The following SYNJ2 variants were observed in gnomAD, a reference collection of about 807,000 sequenced individuals.
SYNJ2 encodes polyphosphatidylinositol phosphatase SYNJ2.
A neutral mutation model predicts 141.3 loss-of-function variants in SYNJ2; 116 were observed. That is an observed-to-expected ratio of 0.82 (90% CI 0.71 to 0.96). SYNJ2 has a LOEUF of 0.96. SYNJ2 is among the 40% of genes least tolerant of loss of function. The probability of loss-of-function intolerance (pLI) is 0.00; values close to 1 mark genes in which losing one functional copy is unlikely to be tolerated. For missense variants in SYNJ2, 1,873 were observed against 1,934.8 expected (o/e 0.97, Z 0.60); for synonymous variants, 745 against 777.7 (o/e 0.96, Z 0.70).
intron 1 of SYNJ2, among the ~76,000 whole-genome samples, chr6:158,013,170 T>G (rs1778328458): frequency 6.6e-6 from 1 of 152,030 alleles, no homozygotes; most frequent in Admixed American, 6.6e-5. Flanking sequence ...TCACTTGAGG[T>G]CGGGAGTTCA....
At chr6:158,088,154 C>T (rs888974779) in intron 23 of SYNJ2, among the ~76,000 whole-genome samples, 7 of 146,638 alleles carry the variant, frequency 4.8e-5, no homozygotes, top group South Asian at 2.2e-4. Context: ...TTGACCTCCC[C>T]GGCTCAAGCA....
At chr6:158,018,410 G>A (rs962386874) in intron 2 of SYNJ2, among the ~76,000 whole-genome samples, 1 of 152,202 alleles carries the variant, frequency 6.6e-6, no homozygotes, top group Non-Finnish European at 1.5e-5. Flanking sequence ...GCTGAGATGG[G>A]AATGGCTGTA....
At chr6:157,983,397 T>A (rs904019256) in intron 1 of SYNJ2, among the ~76,000 whole-genome samples, 2 of 152,224 alleles carry the variant, frequency 1.3e-5, no homozygotes, top group Non-Finnish European at 2.9e-5. Flanking sequence ...TGGTGTGGCC[T>A]TGAAAGAAAA....
chr6:157,985,907 G>C (rs140852066), intron 1 of SYNJ2, among the ~76,000 whole-genome samples: 42 of 152,282 alleles, frequency 2.8e-4, no homozygotes, highest in African/African-American at 8.9e-4. Context: ...GGGGGGAAAG[G>C]TTCTGTGTAA....
At chr6:158,063,756 A>G (rs1562371792) in intron 8 of SYNJ2, 35 bp from the exon 9 acceptor site, 1 of 1,601,652 alleles carries the variant, frequency 6.2e-7, no homozygotes, top group Admixed American at 1.7e-5. Context: ...CTTTGAAAAC[A>G]ACATATAACC....
rs191728334 is a variant in SYNJ2, at chr6:158,018,068, G to A, written c.214+778G>A. Among the ~76,000 whole-genome samples, 5 of 152,360 alleles carry A rather than the reference G, an allele frequency of 3.3e-5. No individual in the cohort carries two copies. The East Asian group carries it at 9.6e-4, about 29-fold the overall frequency. On this transcript the variant is annotated intron_variant, in intron 2 of 26. Transcript: ENST00000355585. ...AGCAGGAGAAAAAAGCCACCGATGT[G>A]TGACTGTCAGTCAGTGTGGGGTGGG...
chr6:158,068,014 T>C, intron 12 of SYNJ2: 1 of 984,886 alleles, frequency 1.0e-6, no homozygotes, highest in Non-Finnish European at 1.2e-6. Context: ...GGGGATTTTT[T>C]TGGGGTAGAC....
At chr6:158,006,096 CA>C (rs758439468) in intron 1 of SYNJ2, among the ~76,000 whole-genome samples, 19 of 152,218 alleles carry the variant, frequency 1.2e-4, no homozygotes, top group Non-Finnish European at 2.4e-4. Context: ...TCTGCCAGCA[CA>C]AAACTTGGTA....
intron 1 of SYNJ2, among the ~76,000 whole-genome samples, chr6:158,007,872 T>A (rs1326431245): frequency 6.6e-6 from 1 of 152,206 alleles, no homozygotes; most frequent in Non-Finnish European, 1.5e-5. Flanking sequence ...CACTGTAGTC[T>A]TGACCTCTTG....
intron 1 of SYNJ2, among the ~76,000 whole-genome samples, chr6:158,006,501 C>A (rs924593728): frequency 2.6e-5 from 4 of 152,318 alleles, no homozygotes; most frequent in Admixed American, 1.3e-4. Context: ...CAGGATGCCA[C>A]GCACTGCTGG....
At chr6:157,990,613 A>T (rs9459057) in intron 1 of SYNJ2, among the ~76,000 whole-genome samples, 1 of 151,904 alleles carries the variant, frequency 6.6e-6, no homozygotes, top group Non-Finnish European at 1.5e-5. Context: ...TGCTGCTCAG[A>T]CCCAGCGGAG....
chr6:158,011,731 C>T (rs1168356626), intron 1 of SYNJ2, among the ~76,000 whole-genome samples: 3 of 152,124 alleles, frequency 2.0e-5, no homozygotes. Context: ...GATTTGGCCA[C>T]AACACTTTGT....
chr6:158,054,245 T>TCATC (rs369779662), intron 5 of SYNJ2, among the ~76,000 whole-genome samples: 2 of 148,334 alleles, frequency 1.3e-5, no homozygotes, highest in Non-Finnish European at 3.0e-5. Context: ...AGCTATTCAT[T>TCATC]CATCCATCCA....
chr6:158,010,587 C>T (rs556166138), intron 1 of SYNJ2, among the ~76,000 whole-genome samples: 1 of 152,298 alleles, frequency 6.6e-6, no homozygotes, highest in East Asian at 1.9e-4. Flanking sequence ...AAAAGATGAC[C>T]AAGTGTTTGG....
In SYNJ2 at chr6:158,017,217, G is replaced by A. The variant is rs974541627; in HGVS notation, c.141G>A (p.Lys47=). ...TTTCTTCCCCAGCTCCAGAAGAAAAGGAAGTCATTAAAGGACAGTATGGCA... is the reference window on the plus strand; with the variant it reads ...TTTCTTCCCCAGCTCCAGAAGAAAAAGAAGTCATTAAAGGACAGTATGGCA... ...GTVATLAPEE[K]EVIKGQYGKL... Residue 47 remains lysine, a synonymous_variant, in exon 2 of 27, where the codon AAG becomes AAA. Coordinates refer to ENST00000355585, the MANE Select transcript of SYNJ2 (RefSeq NM_003898.4). 2 of 1,613,066 alleles carry A rather than the reference G, an allele frequency of 1.2e-6. No homozygotes were observed. Among genetic ancestry groups the A allele is most frequent in the African/African-American group, 1.3e-5 (1 of 74,886 alleles).
intron 1 of SYNJ2, among the ~76,000 whole-genome samples, chr6:157,988,382 A>G (rs1199214647): frequency 3.9e-5 from 6 of 152,222 alleles, no homozygotes; most frequent in Non-Finnish European, 8.8e-5. Context: ...TTTTCGAGGT[A>G]GGAGGATAGA....
rs1440987518 is a variant in SYNJ2 at position 158,066,539 on chromosome 6, G to A, written c.1621G>A (p.Gly541Arg). 3.1e-6 allele frequency: 5 copies of A among 1,614,194 alleles called. No homozygotes were observed. Among genetic ancestry groups the A allele is most frequent in the South Asian group, 1.1e-5 (1 of 91,088 alleles). Reference protein sequence around the residue: ...RIAMGTWNVNGGKQFRSNVLR... With the variant: ...RIAMGTWNVNRGKQFRSNVLR... ...TGCTATGGGGACCTGGAACGTGAAC[G>A]GAGGAAAGCAGTTCCGGAGCAACGT... Residue 541 changes from glycine (G) to arginine (R), a missense_variant, in exon 12 of 27, where the codon GGA becomes AGA. By Grantham distance (125) the Gly-to-Arg change is moderately radical. Coordinates refer to ENST00000355585, the MANE Select transcript of SYNJ2 (RefSeq NM_003898.4).
intron 2 of SYNJ2, chr6:158,017,775 C>A (rs774662710): frequency 1.5e-5 from 8 of 532,510 alleles, no homozygotes; most frequent in East Asian, 1.1e-4. Context: ...CCTGCAGGAA[C>A]CTGCAGGTGG....
intron 26 of SYNJ2, chr6:158,093,950 T>C (rs1333790860): frequency 7.8e-6 from 6 of 765,196 alleles, no homozygotes; most frequent in Non-Finnish European, 1.4e-5. Context: ...GACATGAGTT[T>C]GTAAGGACAG....
Sources: gnomAD v4.1 joint callset for allele counts (sites outside exome capture counted in the v4.1 genomes callset) on GRCh38, gnomAD v4.1.1 for gene constraint, MANE v1.5 for transcripts, NCBI Gene and HGNC (gene_info 2026-07-23, HGNC 2026-07-21) for gene names.